PRKG1: variants seen among roughly 807,000 people sequenced by gnomAD.
The protein encoded by PRKG1 is cGMP-dependent protein kinase 1.
PRKG1 carries 35 observed loss-of-function variants against 88.1 expected under a neutral mutation model. That is an observed-to-expected ratio of 0.40 (90% CI 0.30 to 0.53). The LOEUF is 0.53. Among genes scored for constraint, PRKG1 ranks in the 20% least tolerant of loss-of-function variants. The pLI is 0.59. For missense variants in PRKG1, 540 were observed against 839.8 expected (o/e 0.64, Z 4.41); for synonymous variants, 303 against 292.5 (o/e 1.04, Z -0.37).
At chr10:51,279,567 T>A (rs1840233032) in intron 2 of PRKG1, among the ~76,000 whole-genome samples, 1 of 152,196 alleles carries the variant, frequency 6.6e-6, no homozygotes, top group Non-Finnish European at 1.5e-5. Flanking sequence ...GCCCCTGTAT[T>A]GGGTGCATAT....
At chr10:51,128,243 TA>T (rs1845480087) in intron 1 of PRKG1, among the ~76,000 whole-genome samples, 6 of 151,792 alleles carry the variant, frequency 4.0e-5, no homozygotes, top group African/African-American at 7.3e-5. Flanking sequence ...AATATAAATA[TA>T]TCAATTCGCT....
intron 7 of PRKG1, among the ~76,000 whole-genome samples, chr10:52,129,979 A>T (rs376747291): frequency 6.6e-6 from 1 of 152,138 alleles, no homozygotes; most frequent in East Asian, 1.9e-4. Flanking sequence ...AAATTCCAGA[A>T]CTGTAACTCA....
intron 5 of PRKG1, among the ~76,000 whole-genome samples, chr10:51,974,737 T>C (rs1164836398): frequency 6.6e-6 from 1 of 152,158 alleles, no homozygotes; most frequent in Non-Finnish European, 1.5e-5. Context: ...ATAATGCATA[T>C]CATTTTCTGA....
intron 7 of PRKG1, among the ~76,000 whole-genome samples, chr10:52,085,972 ACAGT>A (rs1455224980): frequency 6.6e-6 from 1 of 152,154 alleles, no homozygotes; most frequent in Non-Finnish European, 1.5e-5. Context: ...ATGAGATTCT[ACAGT>A]CAAAGTACTG....
At chr10:51,820,628 C>T (rs1406110398) in intron 4 of PRKG1, among the ~76,000 whole-genome samples, 1 of 152,098 alleles carries the variant, frequency 6.6e-6, no homozygotes, top group Admixed American at 6.5e-5. Flanking sequence ...AGGAGCTAAT[C>T]TGGTTATTCT....
intron 2 of PRKG1, among the ~76,000 whole-genome samples, chr10:51,393,714 G>T (rs900897690): frequency 4.6e-5 from 7 of 152,100 alleles, no homozygotes; most frequent in African/African-American, 1.7e-4. Context: ...TCTTCCAAAG[G>T]AGAGCAGTGC....
rs1842276569 is a variant in PRKG1 at position 51,731,819 on chromosome 10, C to T, written c.593-72766C>T. Among the ~76,000 whole-genome samples the T allele has an allele frequency of 3.3e-5, 5 of 152,232 alleles. No homozygotes were observed. In the South Asian group the frequency reaches 1.0e-3, roughly 32 times the overall value. ...GGTTTACAAAACAGAAATTTATTTT[C>T]TCAAAGTTCTGGAGGCTAGAAGTTT... On this transcript the variant is annotated intron_variant, in intron 3 of 17. Coordinates refer to ENST00000373980, the MANE Select transcript of PRKG1 (RefSeq NM_006258.4).
chr10:51,698,251 C>T, intron 3 of PRKG1: 1 of 1,614,110 alleles, frequency 6.2e-7, no homozygotes, highest in Non-Finnish European at 8.5e-7. Flanking sequence ...CTCTCCTCTC[C>T]ATTACACGTG....
intron 2 of PRKG1, among the ~76,000 whole-genome samples, chr10:51,293,786 A>G (rs1483273400): frequency 6.6e-6 from 1 of 152,150 alleles, no homozygotes; most frequent in African/African-American, 2.4e-5. Flanking sequence ...TTTCTGAGGA[A>G]CTTCCATGCT....
At chr10:51,505,838 G>A (rs927348449) in intron 3 of PRKG1, among the ~76,000 whole-genome samples, 3 of 151,742 alleles carry the variant, frequency 2.0e-5, no homozygotes, top group African/African-American at 7.3e-5. Flanking sequence ...ATTTTTTATT[G>A]CGTCTATTTG....
At chr10:51,339,616 TTA>T (rs1332047861) in intron 2 of PRKG1, among the ~76,000 whole-genome samples, 1 of 151,964 alleles carries the variant, frequency 6.6e-6, no homozygotes, top group Non-Finnish European at 1.5e-5. Context: ...TGTTCTATAT[TTA>T]TATATATTTA....
chr10:51,013,730 T>C (rs1843022515), intron 1 of PRKG1, among the ~76,000 whole-genome samples: 1 of 152,142 alleles, frequency 6.6e-6, no homozygotes, highest in Non-Finnish European at 1.5e-5. Context: ...ATAAGCCTAA[T>C]GAGAAAACAG....
chr10:51,562,142 T>G (rs562372576), intron 3 of PRKG1, among the ~76,000 whole-genome samples: 1 of 151,788 alleles, frequency 6.6e-6, no homozygotes, highest in South Asian at 2.1e-4. Context: ...GAGAATCGCT[T>G]GAGCCCAGGA....
intron 5 of PRKG1, among the ~76,000 whole-genome samples, chr10:51,974,901 T>C (rs1246850610): frequency 2.0e-5 from 3 of 152,096 alleles, no homozygotes; most frequent in Non-Finnish European, 2.9e-5. Flanking sequence ...TAGTAGAAGA[T>C]AGTGACAGAG....
intron 3 of PRKG1, among the ~76,000 whole-genome samples, chr10:51,532,263 C>T (rs1472755213): frequency 1.3e-5 from 2 of 152,132 alleles, no homozygotes; most frequent in Non-Finnish European, 2.9e-5. Flanking sequence ...GCTAACAAGG[C>T]TTGAGACATA....
At chr10:52,160,428 T>G (rs1257631780) in intron 8 of PRKG1, among the ~76,000 whole-genome samples, 2 of 151,978 alleles carry the variant, frequency 1.3e-5, no homozygotes, top group African/African-American at 4.8e-5. Context: ...AGCTTTATAT[T>G]CTTGAATATG....
At chr10:51,854,824 G>T (rs772167833) in intron 4 of PRKG1, among the ~76,000 whole-genome samples, 2 of 152,120 alleles carry the variant, frequency 1.3e-5, no homozygotes, top group Middle Eastern at 3.4e-3. Flanking sequence ...TATAAATTAA[G>T]AAAATAAATA....
intron 9 of PRKG1, among the ~76,000 whole-genome samples, chr10:52,239,623 G>A (rs2132374773): frequency 6.7e-6 from 1 of 149,512 alleles, no homozygotes. Context: ...ATTAAAAAAT[G>A]GGGAAAATTA....
intron 3 of PRKG1, among the ~76,000 whole-genome samples, chr10:51,618,016 GC>G (rs1385552327): frequency 6.6e-6 from 1 of 152,188 alleles, no homozygotes; most frequent in Non-Finnish European, 1.5e-5. Context: ...TGAATCAATA[GC>G]CTTTTCATCC....
Sources: allele counts gnomAD v4.1 joint callset (sites outside exome capture counted in the v4.1 genomes callset), GRCh38; gene constraint gnomAD v4.1.1; transcripts MANE v1.5; gene names NCBI Gene and HGNC (gene_info 2026-07-23, HGNC 2026-07-21).